The following EMB variants were observed in gnomAD, a reference collection of about 807,000 sequenced individuals.
EMB encodes embigin homolog.
In EMB, 31 loss-of-function variants were observed where a neutral mutation model predicts 41.4. The ratio of observed to expected loss-of-function variants is 0.75; its 90% confidence interval spans 0.56 to 1.01. The LOEUF (loss-of-function observed/expected upper bound fraction) is 1.01. Ranked by LOEUF, EMB falls within the 50% of genes least tolerant of loss-of-function variation. The pLI is 0.00. For synonymous variants in EMB, 137 were observed against 140.4 expected (o/e 0.98, Z 0.17); for missense variants, 379 against 388.3 (o/e 0.98, Z 0.20).
intron 7 of EMB, among the ~76,000 whole-genome samples, chr5:50,400,691 T>C (rs7702350): frequency 0.072 from 10,940 of 152,024 alleles, 1,237 homozygotes; most frequent in African/African-American, 0.24. Context: ...AATCTAAAGA[T>C]AGTGAAATAA....
chr5:50,425,060 C>T (rs1400258469), intron 2 of EMB, among the ~76,000 whole-genome samples: 1 of 152,168 alleles, frequency 6.6e-6, no homozygotes, highest in Non-Finnish European at 1.5e-5. Context: ...TATCCTAACA[C>T]TTGCAGCATT....
Position 50,438,605 on chromosome 5 carries a change from T to C in EMB, c.112+2435A>G, listed in dbSNP as rs146173305. On this transcript the variant is annotated intron_variant, in intron 1 of 8. Coordinates refer to ENST00000303221, the MANE Select transcript of EMB (RefSeq NM_198449.3). ...ACCTGTGTCTAAGTATGTAGGCCTA[T>C]ACATCTAGGTCAAAAATATCCAGTA... Among the ~76,000 whole-genome samples the C allele has an allele frequency of 4.5e-4, 69 of 152,342 alleles. 1 individual carries two copies. The East Asian group carries it at 6.9e-3, about 15-fold the overall frequency.
intron 1 of EMB, chr5:50,428,649 A>T (rs1261374206): frequency 2.0e-6 from 2 of 985,936 alleles, no homozygotes; most frequent in Admixed American, 6.1e-5. Flanking sequence ...ATTAAAAAAA[A>T]AAATAGATAG....
chr5:50,415,725 C>T (rs1353946698), intron 2 of EMB, among the ~76,000 whole-genome samples: 3 of 152,160 alleles, frequency 2.0e-5, no homozygotes, highest in African/African-American at 4.8e-5. Flanking sequence ...TGAGTCCAGA[C>T]TGTGATAACC....
chr5:50,404,273 T>A (rs1395176552), intron 5 of EMB, among the ~76,000 whole-genome samples: 2 of 151,958 alleles, frequency 1.3e-5, no homozygotes, highest in Admixed American at 1.3e-4. Context: ...TCTGTGAGTA[T>A]ATTATTCGTG....
upstream of EMB, among the ~76,000 whole-genome samples, chr5:50,441,628 G>T (rs946105297): frequency 1.3e-5 from 2 of 152,158 alleles, no homozygotes; most frequent in African/African-American, 4.8e-5. Context: ...GGACATCTTT[G>T]GGCTTTCTTA....
chr5:50,420,541 ACTCT>A (rs1027344912), intron 2 of EMB, among the ~76,000 whole-genome samples: 15 of 151,894 alleles, frequency 9.9e-5, no homozygotes, highest in African/African-American at 3.4e-4. Flanking sequence ...CTAACAACAG[ACTCT>A]CTCTATCACA....
chr5:50,423,501 A>G (rs1280736920), intron 2 of EMB, among the ~76,000 whole-genome samples: 4 of 152,148 alleles, frequency 2.6e-5, no homozygotes, highest in African/African-American at 9.7e-5. Flanking sequence ...AGTATTTTCT[A>G]TAATCTGAAG....
At chr5:50,430,202 GGAT>G (rs1364697177) in intron 1 of EMB, among the ~76,000 whole-genome samples, 1 of 152,118 alleles carries the variant, frequency 6.6e-6, no homozygotes, top group Non-Finnish European at 1.5e-5. Context: ...AGGCGGGGGT[GGAT>G]GAGAAGGAAA....
chr5:50,440,899 C>T, intron 1 of EMB, 141 bp downstream of exon 1: 1 of 497,370 alleles, frequency 2.0e-6, no homozygotes, highest in East Asian at 3.6e-5. Context: ...CCGCCGCCGA[C>T]TCTCCCACCC....
intron 4 of EMB, among the ~76,000 whole-genome samples, chr5:50,410,588 GATAA>G (rs1457809861): frequency 1.3e-5 from 2 of 152,028 alleles, no homozygotes; most frequent in Non-Finnish European, 2.9e-5. Context: ...AATTTAGAGA[GATAA>G]ATAAAGAAAT....
intron 1 of EMB, among the ~76,000 whole-genome samples, chr5:50,437,185 C>A (rs554718656): frequency 6.6e-6 from 1 of 152,122 alleles, no homozygotes; most frequent in Non-Finnish European, 1.5e-5. Flanking sequence ...GTGGGAGGAT[C>A]TCTTGAGCCC....
At chr5:50,443,133 T>G (rs1745941752), upstream of EMB, 1 of 152,204 alleles carries the variant, frequency 6.6e-6, no homozygotes, top group African/African-American at 2.4e-5. Context: ...CTCCATATCC[T>G]TTAAAACAAG....
rs1223490848 is a variant in EMB, at chr5:50,411,207, T to A, written c.373A>T (p.Thr125Ser). Residue 125 changes from threonine (T) to serine (S), a missense_variant, in exon 3 of 9, where the codon ACC becomes TCC. Thr to Ser is a moderately conservative substitution (Grantham distance 58). Coordinates refer to ENST00000303221, the MANE Select transcript of EMB (RefSeq NM_198449.3). ...AATTTGTATACTCACCTGTATTGGG[T>A]ATACAAGGTGCTTCCTGTTGCACTG... is the stretch of plus-strand genomic sequence containing the variant. ...LVSATGSTLY[T>S]QYRFTIINSK... 1.2e-6 allele frequency: 2 copies of A among 1,611,100 alleles called. No homozygotes were observed. Among genetic ancestry groups the A allele is most frequent in the East Asian group, 4.5e-5 (2 of 44,738 alleles).
chr5:50,421,945 A>G (rs35866059), intron 2 of EMB, among the ~76,000 whole-genome samples: 48,264 of 150,324 alleles, frequency 0.32, 8,072 homozygotes, highest in East Asian at 0.44. Context: ...ACCTGATGTT[A>G]AATGACGAGT....
intron 1 of EMB, among the ~76,000 whole-genome samples, chr5:50,431,970 T>C (rs1156669896): frequency 6.6e-6 from 1 of 152,248 alleles, no homozygotes; most frequent in Non-Finnish European, 1.5e-5. Flanking sequence ...AATGTGTTGC[T>C]AGAAGGGCAT....
Position 50,397,195 on chromosome 5 carries a change from T to C in EMB, c.*2078A>G, listed in dbSNP as rs1279813432. The C allele has an allele frequency of 2.6e-5, 4 of 152,114 alleles. No individual in the cohort carries two copies. In the South Asian group the frequency reaches 6.2e-4, roughly 24 times the overall value. 9.4% of individuals were successfully genotyped at this position (152,114 alleles called of 1,614,324 possible). On this transcript the variant is annotated 3_prime_UTR_variant, in exon 9 of 9. Coordinates refer to ENST00000303221, the MANE Select transcript of EMB (RefSeq NM_198449.3). ...GCAGTCAATTTATATTTGGTCAATATTAGTTAATTCATTTATCATCTCTGT... is the reference window on the plus strand; with the variant it reads ...GCAGTCAATTTATATTTGGTCAATACTAGTTAATTCATTTATCATCTCTGT...
intron 2 of EMB, among the ~76,000 whole-genome samples, chr5:50,415,614 T>G (rs1360058343): frequency 1.3e-5 from 2 of 152,214 alleles, no homozygotes; most frequent in African/African-American, 4.8e-5. Flanking sequence ...TAAGTATCAC[T>G]GCTACAATTC....
At chr5:50,403,543 C>T in intron 5 of EMB, 89 bp from the exon 6 acceptor site, 2 of 1,377,436 alleles carry the variant, frequency 1.5e-6, no homozygotes, top group Non-Finnish European at 1.0e-6. Flanking sequence ...TAAGATAATG[C>T]CAACAATATT....
Sources: allele counts gnomAD v4.1 joint callset (sites outside exome capture counted in the v4.1 genomes callset), GRCh38; gene constraint gnomAD v4.1.1; transcripts MANE v1.5; gene names NCBI Gene and HGNC (gene_info 2026-07-23, HGNC 2026-07-21).